The following LRGUK variants were observed in gnomAD, a reference collection of about 807,000 sequenced individuals.
LRGUK encodes leucine-rich repeat and guanylate kinase domain-containing protein.
A neutral mutation model predicts 76.0 loss-of-function variants in LRGUK; 65 were observed. That is an observed-to-expected ratio of 0.85 (90% CI 0.70 to 1.05). The LOEUF is 1.05. Among genes scored for constraint, LRGUK ranks in the 50% least tolerant of loss-of-function variants. The probability of loss-of-function intolerance (pLI) is 0.00; values close to 1 mark genes in which losing one functional copy is unlikely to be tolerated. For missense variants in LRGUK, 758 were observed against 732.8 expected, an observed-to-expected ratio of 1.03 and a Z score of -0.40; for synonymous variants, 268 against 265.6, an observed-to-expected ratio of 1.01 and a Z score of -0.09.
chr7:134,276,013 CAAG>C, the LRGUK span, among the ~76,000 whole-genome samples: 1 of 152,166 alleles, frequency 6.6e-6, no homozygotes, highest in Non-Finnish European at 1.5e-5. Context: ...TCCACAGTAT[CAAG>C]ACTCATGGTG....
At chr7:134,190,951 T>TTGA (rs1554467166) in intron 11 of LRGUK, among the ~76,000 whole-genome samples, 45 of 40,606 alleles carry the variant, frequency 1.1e-3, no homozygotes, top group Non-Finnish European at 2.0e-3. Context: ...AGCGGTGTGG[T>TTGA]GGGATGGGGA....
At chr7:134,172,980 C>A in intron 7 of LRGUK, among the ~76,000 whole-genome samples, 1 of 151,136 alleles carries the variant, frequency 6.6e-6, no homozygotes, top group African/African-American at 2.4e-5. Flanking sequence ...GAGCAAGAAC[C>A]CATCTCAAAA....
chr7:134,148,417 A>T, intron 5 of LRGUK, 98 bp downstream of exon 5: 1 of 689,024 alleles, frequency 1.5e-6, no homozygotes. Flanking sequence ...GACTAGTACC[A>T]GATAAGCAAT....
chr7:134,233,766 C>T (rs1045231175), intron 16 of LRGUK, among the ~76,000 whole-genome samples: 1 of 152,182 alleles, frequency 6.6e-6, no homozygotes, highest in Non-Finnish European at 1.5e-5. Flanking sequence ...TGCTCTGTCA[C>T]CCAGGGATCA....
intron 18 of LRGUK, among the ~76,000 whole-genome samples, chr7:134,255,222 AACACACACACACAC>A (rs66632170): frequency 4.5e-4 from 64 of 143,150 alleles, no homozygotes; most frequent in Non-Finnish European, 6.6e-4. Context: ...ATGTTATCTC[AACACACACACACAC>A]ACACACACAC....
intron 4 of LRGUK, among the ~76,000 whole-genome samples, chr7:134,143,611 T>A (rs908343060): frequency 6.6e-6 from 1 of 152,236 alleles, no homozygotes; most frequent in African/African-American, 2.4e-5. Flanking sequence ...TATATCTGAA[T>A]AATCTGTAAA....
At chr7:134,255,823 G>A (rs1802564822) in intron 18 of LRGUK, among the ~76,000 whole-genome samples, 1 of 152,070 alleles carries the variant, frequency 6.6e-6, no homozygotes, top group Non-Finnish European at 1.5e-5. Flanking sequence ...GTGCATGGGG[G>A]ATGAGGGGAT....
chr7:134,213,681 T>C (rs1365503342), downstream of LRGUK, among the ~76,000 whole-genome samples: 1 of 152,192 alleles, frequency 6.6e-6, no homozygotes, highest in East Asian at 1.9e-4. Flanking sequence ...GTTTCTGTTA[T>C]TGCTTTGGTA....
chr7:134,197,173 G>C, intron 13 of LRGUK, 68 bp downstream of exon 13: 1 of 862,002 alleles, frequency 1.2e-6, no homozygotes, highest in Non-Finnish European at 1.9e-6. Flanking sequence ...GTGTATGTGT[G>C]TGTGTGTGTG....
chr7:134,267,011 C>A (rs1223010434), downstream of LRGUK, among the ~76,000 whole-genome samples: 1 of 152,114 alleles, frequency 6.6e-6, no homozygotes, highest in African/African-American at 2.4e-5. Context: ...TGTCAACTTA[C>A]AATTCTATCT....
At chr7:134,127,601 G>GTCC in exon 1 of LRGUK, 2 of 1,614,202 alleles carry the variant, frequency 1.2e-6, no homozygotes. Context: ...ACGGAGATGA[G>GTCC]GACCAGGGCG....
chr7:134,137,109 C>G, exon 2 of LRGUK: 1 of 1,611,764 alleles, frequency 6.2e-7, no homozygotes, highest in Non-Finnish European at 8.5e-7. Flanking sequence ...CTGAGCAAGT[C>G]TACCTCAATC....
chr7:134,146,449 T>C (rs1343922610), intron 4 of LRGUK, among the ~76,000 whole-genome samples: 1 of 151,048 alleles, frequency 6.6e-6, no homozygotes, highest in East Asian at 1.9e-4. Flanking sequence ...AGTTTATTAT[T>C]ATTCTATAGA....
intron 12 of LRGUK, 119 bp downstream of exon 12, chr7:134,191,870 TGA>T: frequency 3.2e-6 from 2 of 628,606 alleles, no homozygotes; most frequent in South Asian, 5.3e-5. Flanking sequence ...TTATGAGAGG[TGA>T]GTTTTTATGG....
At chr7:134,271,231 C>G in the LRGUK span, among the ~76,000 whole-genome samples, 1 of 151,866 alleles carries the variant, frequency 6.6e-6, no homozygotes, top group Admixed American at 6.6e-5. Flanking sequence ...AAGCATATTA[C>G]AAAGATCTTT....
intron 16 of LRGUK, among the ~76,000 whole-genome samples, chr7:134,232,763 T>C (rs982713902): frequency 6.6e-6 from 1 of 152,198 alleles, no homozygotes; most frequent in South Asian, 2.1e-4. Flanking sequence ...ATAAATGTGA[T>C]CATAATTTAA....
intron 16 of LRGUK, among the ~76,000 whole-genome samples, chr7:134,236,601 G>A (rs1356786389): frequency 6.6e-6 from 1 of 152,182 alleles, no homozygotes; most frequent in African/African-American, 2.4e-5. Context: ...CTTTAGCAAG[G>A]CAGTAAGTAG....
intron 16 of LRGUK, among the ~76,000 whole-genome samples, chr7:134,242,065 G>T (rs902303084): frequency 4.6e-5 from 7 of 152,112 alleles, no homozygotes; most frequent in African/African-American, 1.7e-4. Context: ...TGTGTAGAGG[G>T]AAATTTATAG....
At chr7:134,264,593 T>G (rs1421479), downstream of LRGUK, 52,169 of 152,164 alleles carry the variant, frequency 0.34, 11,047 homozygotes, top group South Asian at 0.5. Flanking sequence ...GTTGATTCTT[T>G]TATTTCACCC....
Sources: gnomAD v4.1 joint callset for allele counts (sites outside exome capture counted in the v4.1 genomes callset) on GRCh38, gnomAD v4.1.1 for gene constraint, MANE v1.5 for transcripts, NCBI Gene and HGNC (gene_info 2026-07-23, HGNC 2026-07-21) for gene names.